SPATA31D1: variants seen among roughly 807,000 people sequenced by gnomAD.
SPATA31D1 encodes SPATA31 subfamily D member 1.
In SPATA31D1, 6 loss-of-function variants were observed where a neutral mutation model predicts 13.2. The observed-to-expected ratio is 0.46, with a 90% CI of 0.25 to 0.90. SPATA31D1 has a LOEUF of 0.90. SPATA31D1 is among the 40% of genes least tolerant of loss of function. The pLI, the probability that SPATA31D1 is intolerant of heterozygous loss-of-function variation, is 0.18. For synonymous variants in SPATA31D1, 903 were observed against 718.8 expected, an observed-to-expected ratio of 1.26 and a Z score of -4.10; for missense variants, 2,445 against 1,884.7, an observed-to-expected ratio of 1.30 and a Z score of -5.50.
At position 81,992,646 on chromosome 9, in the gene SPATA31D1, G is replaced by T; in HGVS notation, c.2176G>T (p.Glu726Ter). The T allele has an allele frequency of 6.2e-7, 1 of 1,613,818 alleles. No homozygotes were observed. The highest frequency in any genetic ancestry group is 8.5e-7 in the Non-Finnish European group (1 of 1,179,740). ...QSKISELSVSERIHGPLNISL... is the reference protein window; with the variant it reads ...QSKISELSVS ...CAAAATTTCAGAGCTATCTGTGTCA[G>T]AGAGAATTCATGGACCGTTAAATAT... Residue 726 changes from glutamate to a stop codon, truncating the protein, a stop_gained, in exon 4 of 4, where the codon GAG becomes TAG. Transcript: ENST00000344803. LOFTEE classifies it low-confidence loss of function (END_TRUNC).
At position 81,992,738 on chromosome 9, in the gene SPATA31D1, C is replaced by T; in HGVS notation, c.2268C>T (p.Phe756=). The part of the protein sequence containing the change: ...KKSASSFPRS[F]HERSSNMLSM... ...CCGCATCAAGCTTCCCTAGAAGCTT[C>T]CACGAGAGGAGCTCAAATATGCTTT... Residue 756 remains phenylalanine (F), a synonymous_variant, in exon 4 of 4, where the codon TTC becomes TTT. Transcript: ENST00000344803. 3 of 1,613,796 alleles carry T rather than the reference C, an allele frequency of 1.9e-6. No homozygotes were observed. The highest frequency in any genetic ancestry group is 2.5e-6 in the Non-Finnish European group (3 of 1,179,722).
At position 81,989,012 on chromosome 9, in the gene SPATA31D1, A is replaced by G. The variant is rs1211927584; in HGVS notation, c.186+8A>G. The stretch of plus-strand genomic sequence containing the variant: ...AATAATGACATCCAAAAGGTAAGGA[A>G]CTGTGGGTGAACACCCAAGAGAGAT... On this transcript the variant is annotated splice_region_variant and intron_variant, in intron 1 of 3. Transcript: ENST00000344803. The G allele has an allele frequency of 6.2e-7, 1 of 1,611,156 alleles. No individual in the cohort carries two copies. The highest frequency in any genetic ancestry group is 8.5e-7 in the Non-Finnish European group (1 of 1,179,454).
At position 81,992,857 on chromosome 9, in the gene SPATA31D1, A is replaced by C. The variant is rs758526262; in HGVS notation, c.2387A>C (p.Asp796Ala). ...GGTCCGGAGACTTCTTCAGACAAGGATCTGAGGTCTAACTCTGAGAGAGAC... is the reference window on the plus strand; with the variant it reads ...GGTCCGGAGACTTCTTCAGACAAGGCTCTGAGGTCTAACTCTGAGAGAGAC... ...LHGPETSSDK[D>A]LRSNSERDLE... Residue 796 changes from aspartate to alanine, a missense_variant, in exon 4 of 4, where the codon GAT becomes GCT. By Grantham distance (126) the Asp-to-Ala change is moderately radical (BLOSUM62 -2). Transcript: ENST00000344803. 2.5e-6 allele frequency: 4 copies of C among 1,613,682 alleles called. No individual in the cohort carries two copies. In the African/African-American group the frequency reaches 4.0e-5, roughly 16 times the overall value.
chr9:81,993,247 T>C lies in SPATA31D1; in HGVS notation c.2777T>C (p.Ile926Thr), dbSNP rs1186219937. The change falls in exon 4 of 4, where the codon ATA becomes ACA. Residue 926 changes from isoleucine (I) to threonine (T), a missense_variant. Physicochemically the swap from Ile to Thr is moderately conservative, Grantham distance 89. Coordinates refer to ENST00000344803, the MANE Select transcript of SPATA31D1 (RefSeq NM_001001670.3). Reference protein sequence around the residue: ...WGLPLKVLESIEIFKSKADLS... With the variant: ...WGLPLKVLESTEIFKSKADLS... Reference sequence around the variant, plus strand: ...CTTCCCCTCAAGGTCCTTGAATCCATAGAAATCTTCAAATCGAAAGCGGAC... The same window carrying C: ...CTTCCCCTCAAGGTCCTTGAATCCACAGAAATCTTCAAATCGAAAGCGGAC... The C allele has an allele frequency of 8.0e-5, 129 of 1,613,870 alleles. No individual in the cohort carries two copies. Among genetic ancestry groups the C allele is most frequent in the Non-Finnish European group, 1.1e-4 (129 of 1,179,882 alleles).
rs764558233 is a variant in SPATA31D1, at chr9:81,993,551, A to G, written c.3081A>G (p.Arg1027=). ...SKDGASTSLR[R]GTTDFQSEKL... is the part of the protein sequence containing the mutation. ...ACGGGGCCTCCACATCCCTTAGAAG[A>G]GGTACTACAGATTTTCAAAGCGAAA... Residue 1027 remains arginine, a synonymous_variant, in exon 4 of 4, where the codon AGA becomes AGG. Transcript: ENST00000344803. 2 of 1,613,752 alleles carry G rather than the reference A, an allele frequency of 1.2e-6. No individual in the cohort carries two copies. Among genetic ancestry groups the G allele is most frequent in the South Asian group, 2.2e-5 (2 of 91,070 alleles).
Position 81,994,125 on chromosome 9 carries a change from C to G in SPATA31D1, c.3655C>G (p.Gln1219Glu). ...KLVQRKHSQP[Q>E]SHFTDMSFAL... is the part of the protein sequence containing the mutation. ...GGTCCAGAGGAAGCATAGCCAACCT[C>G]AGAGCCATTTCACTGACATGTCTTT... The change falls in exon 4 of 4, where the codon CAG becomes GAG. Residue 1219 changes from glutamine (Q) to glutamate (E), a missense_variant. Coordinates refer to ENST00000344803, the MANE Select transcript of SPATA31D1 (RefSeq NM_001001670.3). 1.2e-6 allele frequency: 2 copies of G among 1,613,996 alleles called. No individual in the cohort carries two copies. Among genetic ancestry groups the G allele is most frequent in the Non-Finnish European group, 1.7e-6 (2 of 1,179,884 alleles).
Position 81,988,915 on chromosome 9 carries a change from A to C in SPATA31D1, c.97A>C (p.Ser33Arg). Residue 33 changes from serine to arginine, a missense_variant, in exon 1 of 4, where the codon AGT (serine) becomes CGT (arginine). By Grantham distance (110) the Ser-to-Arg change is moderately radical. Coordinates refer to ENST00000344803, the MANE Select transcript of SPATA31D1 (RefSeq NM_001001670.3). The part of the protein sequence containing the change: ...LDIDPNFICL[S>R]GLGLFILYLF... ...TATCGACCCCAACTTCATCTGCTTG[A>C]GTGGGTTGGGGTTGTTTATACTGTA... 6.2e-7 allele frequency: 1 copy of C among 1,612,624 alleles called. No homozygotes were observed. The highest frequency in any genetic ancestry group is 8.5e-7 in the Non-Finnish European group (1 of 1,179,696).
chr9:81,990,790 C>T lies in SPATA31D1; in HGVS notation c.320C>T (p.Ser107Phe), dbSNP rs755637529. ...SLLKSFGPPV[S>F]CSPRGQHHDT... is the part of the protein sequence containing the mutation. ...GACTGCAGCTTTGGACCTCCTGTTT[C>T]CTGCAGTCCTCGGGGCCAGCATCAT... Residue 107 changes from serine to phenylalanine, a missense_variant, in exon 4 of 4, where the codon TCC (serine) becomes TTC (phenylalanine). Coordinates refer to ENST00000344803, the MANE Select transcript of SPATA31D1 (RefSeq NM_001001670.3). 22 of 1,611,350 alleles carry T rather than the reference C, an allele frequency of 1.4e-5. No homozygotes were observed. The highest frequency in any genetic ancestry group is 1.3e-4 in the South Asian group (12 of 90,564).
rs751832757 is a variant in SPATA31D1 at position 81,993,424 on chromosome 9, G to A, written c.2954G>A (p.Arg985His). Residue 985 changes from arginine (R) to histidine (H), a missense_variant, in exon 4 of 4, where the codon CGT (arginine) becomes CAT (histidine). Transcript: ENST00000344803. ...ACAAGCTCAGTCCCCATCCTTGATCGTCCTCACCCTGTCTCCTCACCTGTC... is the reference window on the plus strand; with the variant it reads ...ACAAGCTCAGTCCCCATCCTTGATCATCCTCACCCTGTCTCCTCACCTGTC... ...GTTSSVPILD[R>H]PHPVSSPVVQ... 5.6e-6 allele frequency: 9 copies of A among 1,613,670 alleles called. 1 individual carries two copies. Among genetic ancestry groups the A allele is most frequent in the South Asian group, 4.4e-5 (4 of 91,082 alleles).
rs1434962374 is a variant in SPATA31D1, at chr9:81,990,796, G to T, written c.326G>T (p.Ser109Ile). ...LKSFGPPVSC[S>I]PRGQHHDTNH... ...AGCTTTGGACCTCCTGTTTCCTGCA[G>T]TCCTCGGGGCCAGCATCATGATACC... is the stretch of plus-strand genomic sequence containing the variant. Residue 109 changes from serine to isoleucine, a missense_variant, in exon 4 of 4, where the codon AGT becomes ATT. Transcript: ENST00000344803. The T allele has an allele frequency of 6.2e-7, 1 of 1,612,266 alleles. No individual in the cohort carries two copies. The highest frequency in any genetic ancestry group is 8.5e-7 in the Non-Finnish European group (1 of 1,179,182).
At position 81,994,905 on chromosome 9, in the gene SPATA31D1, A is replaced by C; in HGVS notation, c.4435A>C (p.Ile1479Leu). 6.2e-7 allele frequency: 1 copy of C among 1,614,000 alleles called. No homozygotes were observed. The highest frequency in any genetic ancestry group is 8.5e-7 in the Non-Finnish European group (1 of 1,179,884). The change falls in exon 4 of 4, where the codon ATC (isoleucine) becomes CTC (leucine). Residue 1479 changes from isoleucine to leucine, a missense_variant. Ile to Leu is a conservative substitution (Grantham distance 5). Coordinates refer to ENST00000344803, the MANE Select transcript of SPATA31D1 (RefSeq NM_001001670.3). Reference sequence around the variant, plus strand: ...TACCAAATCTTGCAGCCAACAAGCTATCTTTGTTGGCCAGAATTATCCTAC... The same window carrying C: ...TACCAAATCTTGCAGCCAACAAGCTCTCTTTGTTGGCCAGAATTATCCTAC... ...TRTKSCSQQA[I>L]FVGQNYPTRI... is the part of the protein sequence containing the mutation.
upstream of SPATA31D1, chr9:81,988,645 G>A: frequency 2.1e-6 from 2 of 959,526 alleles, no homozygotes; most frequent in Non-Finnish European, 3.1e-6. Flanking sequence ...GGGCCCAGGA[G>A]AGTCAGCTGG....
chr9:81,994,620 T>C lies in SPATA31D1; in HGVS notation c.4150T>C (p.Cys1384Arg). ...GGAAAAGGGTAGCTCCCTGTCATCATGTGTGCAGAATATTGGTCGAGTTAT... is the reference window on the plus strand; with the variant it reads ...GGAAAAGGGTAGCTCCCTGTCATCACGTGTGCAGAATATTGGTCGAGTTAT... ...SWEKGSSLSS[C>R]VQNIGRVIRA... The change falls in exon 4 of 4, where the codon TGT (cysteine) becomes CGT (arginine). Residue 1384 changes from cysteine (C) to arginine (R), a missense_variant. By Grantham distance (180) the Cys-to-Arg change is radical. Transcript: ENST00000344803. 1 of 1,613,272 alleles carries C rather than the reference T, an allele frequency of 6.2e-7. No individual in the cohort carries two copies. The highest frequency in any genetic ancestry group is 1.3e-5 in the African/African-American group (1 of 75,070).
rs1448672978 is a variant in SPATA31D1, at chr9:81,995,118, G to T, written c.4648G>T (p.Val1550Leu). 7 of 1,606,070 alleles carry T rather than the reference G, an allele frequency of 4.4e-6. No homozygotes were observed. The highest frequency in any genetic ancestry group is 6.0e-6 in the Non-Finnish European group (7 of 1,175,930). The change falls in exon 4 of 4, where the codon GTG becomes TTG. Residue 1550 changes from valine (V) to leucine (L), a missense_variant. Val to Leu is a conservative substitution (Grantham distance 32). Coordinates refer to ENST00000344803, the MANE Select transcript of SPATA31D1 (RefSeq NM_001001670.3). The stretch of plus-strand genomic sequence containing the variant: ...CGTCCCAACCAGTGCTAAAAGCCCT[G>T]TGTTTAGTGATGTGCCTTTCCTAAC... ...PAVPTSAKSP[V>L]FSDVPFLTGQ...
Position 81,989,115 on chromosome 9 carries a change from A to C in SPATA31D1, c.186+111A>C, listed in dbSNP as rs1824903268. On this transcript the variant is annotated intron_variant, in intron 1 of 3. Transcript: ENST00000344803. ...GGTACAGAGACATGTTTTAGATGGGAAGTCTGAAGAGAGGATAGAACTTCA... is the reference window on the plus strand; with the variant it reads ...GGTACAGAGACATGTTTTAGATGGGCAGTCTGAAGAGAGGATAGAACTTCA... 3 of 1,453,326 alleles carry C rather than the reference A, an allele frequency of 2.1e-6. No homozygotes were observed. In the African/African-American group the frequency reaches 4.3e-5, roughly 21 times the overall value. The allele number at this position is 1,453,326 out of a possible 1,614,324, so 90.0% of individuals were successfully genotyped here.
chr9:81,994,543 T>C lies in SPATA31D1; in HGVS notation c.4073T>C (p.Leu1358Ser), dbSNP rs757840364. The C allele has an allele frequency of 6.2e-7, 1 of 1,613,438 alleles. No individual in the cohort carries two copies. Among genetic ancestry groups the C allele is most frequent in the Non-Finnish European group, 8.5e-7 (1 of 1,179,644 alleles). Residue 1358 changes from leucine (L) to serine (S), a missense_variant, in exon 4 of 4, where the codon TTG becomes TCG. Leu to Ser is a moderately radical substitution (Grantham distance 145). Transcript: ENST00000344803. ...TTCAGAAAATGGATGAAGACCTCTT[T>C]GCAGTGGTTTAATAAACCCAGCATA... The part of the protein sequence containing the change: ...NLFRKWMKTS[L>S]QWFNKPSISY...
Position 81,990,440 on chromosome 9 carries a change from CAG to C in SPATA31D1, c.262_263del (p.Glu88ArgfsTer28), listed in dbSNP as rs1824927948. 1.9e-6 allele frequency: 3 copies of C among 1,608,366 alleles called. No individual in the cohort carries two copies. Among genetic ancestry groups the C allele is most frequent in the Admixed American group, 1.7e-5 (1 of 59,340 alleles). On this transcript the variant is annotated frameshift_variant, in exon 3 of 4. Transcript: ENST00000344803. LOFTEE classifies it low-confidence loss of function (END_TRUNC). ...FKGFPDWKSF[Q>X]REEEEERKLL... The stretch of plus-strand genomic sequence containing the variant: ...AGGTTTCCCAGACTGGAAAAGTTTC[CAG>C]AGAGAAGAGGAAGAGGAAAGGAAGC...
At position 81,993,660 on chromosome 9, in the gene SPATA31D1, C is replaced by T; in HGVS notation, c.3190C>T (p.Leu1064=). The T allele has an allele frequency of 6.2e-7, 1 of 1,614,024 alleles. No homozygotes were observed. The highest frequency in any genetic ancestry group is 8.5e-7 in the Non-Finnish European group (1 of 1,179,890). Residue 1064 remains leucine (L), a synonymous_variant, in exon 4 of 4, where the codon CTG becomes TTG. Coordinates refer to ENST00000344803, the MANE Select transcript of SPATA31D1 (RefSeq NM_001001670.3). The part of the protein sequence containing the change: ...SPVNQEKQGT[L]RREFSDTDND... ...TGTCAACCAAGAAAAGCAGGGGACC[C>T]TGAGAAGAGAATTCTCTGATACTGA... is the stretch of plus-strand genomic sequence containing the variant.
chr9:81,994,238 T>A lies in SPATA31D1; in HGVS notation c.3768T>A (p.His1256Gln). 6.2e-7 allele frequency: 1 copy of A among 1,614,022 alleles called. No individual in the cohort carries two copies. The highest frequency in any genetic ancestry group is 8.5e-7 in the Non-Finnish European group (1 of 1,179,886). The change falls in exon 4 of 4, where the codon CAT (histidine) becomes CAA (glutamine). Residue 1256 changes from histidine (H) to glutamine (Q), a missense_variant. Transcript: ENST00000344803. The stretch of plus-strand genomic sequence containing the variant: ...ACATGGGAACTTCCCAGGTGGTGCA[T>A]GTCCACTTGGAGGACAGCGGAATCC... Reference protein sequence around the residue: ...SGDMGTSQVVHVHLEDSGIRV... With the variant: ...SGDMGTSQVVQVHLEDSGIRV...
Sources: allele counts gnomAD v4.1 joint callset, GRCh38; gene constraint gnomAD v4.1.1; transcripts MANE v1.5; gene names NCBI Gene and HGNC (gene_info 2026-07-23, HGNC 2026-07-21).